Variants in IRX1 observed in about 807,000 individuals in gnomAD.
IRX1 encodes iroquois-class homeodomain protein IRX-1.
A neutral mutation model predicts 34.1 loss-of-function variants in IRX1; 22 were observed. The observed-to-expected ratio is 0.64, with a 90% confidence interval of 0.46 to 0.92. The LOEUF (loss-of-function observed/expected upper bound fraction) is 0.92. Ranked by LOEUF, IRX1 falls within the 40% of genes least tolerant of loss-of-function variation. IRX1 has a pLI of 0.00. For missense variants in IRX1, 758 were observed against 680.0 expected (o/e 1.11, Z -1.28); for synonymous variants, 363 against 319.0 (o/e 1.14, Z -1.47).
At chr5:3,597,286 C>G (rs1186641566) in intron 1 of IRX1, among the ~76,000 whole-genome samples, 1 of 152,204 alleles carries the variant, frequency 6.6e-6, no homozygotes, top group Non-Finnish European at 1.5e-5. Context: ...TTTCCTTGGT[C>G]TGACTGCAAG....
In IRX1 at chr5:3,601,151, A is replaced by G; in HGVS notation, c.*111A>G. 9.8e-7 allele frequency: 1 copy of G among 1,017,430 alleles called. No homozygotes were observed. The allele number at this position is 1,017,430 out of a possible 1,614,324, so 63.0% of individuals were successfully genotyped here. A position where few individuals can be genotyped will look rare whatever the true frequency, so the allele number is the denominator to read the frequency against. ...CAGACTGGTGTAAAGGACAAATATG[A>G]CAACGACGTCAAGGACTCGCATCCG... On this transcript the variant is annotated 3_prime_UTR_variant, in exon 4 of 4. Coordinates refer to ENST00000302006, the MANE Select transcript of IRX1 (RefSeq NM_024337.4).
At chr5:3,596,951 A>C (rs1168717297) in intron 1 of IRX1, among the ~76,000 whole-genome samples, 1 of 152,168 alleles carries the variant, frequency 6.6e-6, no homozygotes, top group Non-Finnish European at 1.5e-5. Context: ...ATAGAGGTCC[A>C]AAGGGATGGA....
At position 3,599,693 on chromosome 5, in the gene IRX1, G is replaced by T. The variant is rs764489050; in HGVS notation, c.745G>T (p.Ala249Ser). The T allele has an allele frequency of 6.2e-6, 10 of 1,613,142 alleles. No homozygotes were observed. In the African/African-American group the frequency reaches 1.3e-4, roughly 22 times the overall value. The change falls in exon 2 of 4, where the codon GCC becomes TCC. Residue 249 changes from alanine (A) to serine (S), a missense_variant. Coordinates refer to ENST00000302006, the MANE Select transcript of IRX1 (RefSeq NM_024337.4). This position sits in a 1 kb window ranked among gnomAD's most constrained non-coding sequence, Gnocchi z 6.6. ...GAGCAACGAGGATGACGAGGACAAG[G>T]CCGAGGCTCCGCACGCGCCCGCAGC... Reference protein sequence around the residue: ...DQSNEDDEDKAEAPHAPAAPS... With the variant: ...DQSNEDDEDKSEAPHAPAAPS...
At position 3,599,212 on chromosome 5, in the gene IRX1, C is replaced by T. The variant is rs1202343375; in HGVS notation, c.277-13C>T. ...TCCTCTCTCTCCTCGATGGATCTGCCCTGTGGCTTCAGGGCTCGCAGTATG... is the reference window on the plus strand; with the variant it reads ...TCCTCTCTCTCCTCGATGGATCTGCTCTGTGGCTTCAGGGCTCGCAGTATG... On this transcript the variant is annotated splice_polypyrimidine_tract_variant and intron_variant, in intron 1 of 3. Transcript: ENST00000302006. This position sits in a 1 kb window ranked among gnomAD's most constrained non-coding sequence, Gnocchi z 6.6. The T allele has an allele frequency of 5.0e-6, 8 of 1,609,008 alleles. No homozygotes were observed. Among genetic ancestry groups the T allele is most frequent in the South Asian group, 1.1e-5 (1 of 90,708 alleles).
In IRX1 at chr5:3,596,398, T is replaced by C. The variant is rs568438349; in HGVS notation, c.276+17T>C. 7.4e-6 allele frequency: 11 copies of C among 1,491,632 alleles called. No individual in the cohort carries two copies. Among genetic ancestry groups the C allele is most frequent in the Non-Finnish European group, 9.8e-6 (11 of 1,120,870 alleles). The allele number at this position is 1,491,632 out of a possible 1,614,324, so 92.4% of individuals were successfully genotyped here. A position where few individuals can be genotyped will look rare whatever the true frequency, so the allele number is the denominator to read the frequency against. On this transcript the variant is annotated intron_variant, in intron 1 of 3. Coordinates refer to ENST00000302006, the MANE Select transcript of IRX1 (RefSeq NM_024337.4). ...TCGCAGATGGTGAGTGCGCCCGGCC[T>C]CCCCCGCTTCTCCTCTGTCTCACCC...
In IRX1 at chr5:3,600,200, A is replaced by G. The variant is rs766751593; in HGVS notation, c.1252A>G (p.Ile418Val). ...TCCACCACCGCAGCCGCCGGTCGCT[A>G]TTGCCCCGGGGGCACTCAATGGAGA... Reference protein sequence around the residue: ...APPPPQPPVAIAPGALNGDKA... With the variant: ...APPPPQPPVAVAPGALNGDKA... Residue 418 changes from isoleucine (I) to valine (V), a missense_variant, in exon 2 of 4, where the codon ATT (isoleucine) becomes GTT (valine). Around this residue, in one of 3 missense-constraint regions of IRX1, gnomAD observed 529 missense variants for 418.8 expected, o/e 1.26. Coordinates refer to ENST00000302006, the MANE Select transcript of IRX1 (RefSeq NM_024337.4). 1.2e-5 allele frequency: 20 copies of G among 1,611,542 alleles called. No individual in the cohort carries two copies. In the Admixed American group the frequency reaches 2.8e-4, roughly 23 times the overall value.
intron 1 of IRX1, among the ~76,000 whole-genome samples, chr5:3,596,843 G>T (rs1034133974): frequency 6.6e-6 from 1 of 152,152 alleles, no homozygotes; most frequent in Non-Finnish European, 1.5e-5. Context: ...TGGAAAACTT[G>T]GTTTTCTCCC....
Position 3,600,242 on chromosome 5 carries a change from A to T in IRX1, c.1294A>T (p.Ser432Cys). Residue 432 changes from serine (S) to cysteine (C), a missense_variant, in exon 2 of 4, where the codon AGC (serine) becomes TGC (cysteine). Ser to Cys is a moderately radical substitution (Grantham distance 112, BLOSUM62 -1). Around this residue, in one of 3 missense-constraint regions of IRX1, gnomAD observed 529 missense variants for 418.8 expected, o/e 1.26. Coordinates refer to ENST00000302006, the MANE Select transcript of IRX1 (RefSeq NM_024337.4). ...CAATGGAGACAAGGCCTCGGTCCGC[A>T]GCAGCCCCACGCTCCCAGGTACAGC... ...ALNGDKASVRSSPTLPERDLV... is the reference protein window; with the variant it reads ...ALNGDKASVRCSPTLPERDLV... 6.3e-7 allele frequency: 1 copy of T among 1,598,718 alleles called. No individual in the cohort carries two copies. Among genetic ancestry groups the T allele is most frequent in the Non-Finnish European group, 8.5e-7 (1 of 1,175,064 alleles).
chr5:3,596,051 T>C lies in IRX1; in HGVS notation c.-55T>C. The C allele has an allele frequency of 9.8e-7, 1 of 1,018,884 alleles. No individual in the cohort carries two copies. Among genetic ancestry groups the C allele is most frequent in the East Asian group, 8.3e-5 (1 of 12,100 alleles). The allele number at this position is 1,018,884 out of a possible 1,614,324, so 63.1% of individuals were successfully genotyped here. A position where few individuals can be genotyped will look rare whatever the true frequency, so the allele number is the denominator to read the frequency against. On this transcript the variant is annotated 5_prime_UTR_variant, in exon 1 of 4. Transcript: ENST00000302006. ...CAACCCCCTCCGGCCGGCCTCCGCC[T>C]CCCTCCCCGCGCCTTTAATACTCGC...
Position 3,595,843 on chromosome 5 carries a change from C to A in IRX1, c.-263C>A, listed in dbSNP as rs945972439. On this transcript the variant is annotated 5_prime_UTR_variant, in exon 1 of 4. Coordinates refer to ENST00000302006, the MANE Select transcript of IRX1 (RefSeq NM_024337.4). ...ATCAACTTCAAATTGTGTCTGAAAG[C>A]CCCGCCGCCGAGCGGAGGGCGGCCG... is the stretch of plus-strand genomic sequence containing the variant. Among the ~76,000 whole-genome samples, 54 of 151,282 alleles carry A rather than the reference C, an allele frequency of 3.6e-4. No homozygotes were observed. The highest frequency in any genetic ancestry group is 6.5e-4 in the Non-Finnish European group (44 of 67,626).
intron 1 of IRX1, among the ~76,000 whole-genome samples, chr5:3,597,831 CT>C (rs1319967659): frequency 1.3e-5 from 2 of 152,184 alleles, no homozygotes; most frequent in African/African-American, 4.8e-5. Context: ...CCGGAACTCC[CT>C]TTGCTAACAT....
At position 3,600,280 on chromosome 5, in the gene IRX1, C is replaced by T; in HGVS notation, c.1312+20C>T. On this transcript the variant is annotated intron_variant, in intron 2 of 3. Transcript: ENST00000302006. Reference sequence around the variant, plus strand: ...TCCCAGGTACAGCTCCAGGCCGCGTCCACCTGTCCCCTAGCTGGGAATGCA... The same window carrying T: ...TCCCAGGTACAGCTCCAGGCCGCGTTCACCTGTCCCCTAGCTGGGAATGCA... The T allele has an allele frequency of 1.3e-6, 2 of 1,539,994 alleles. No homozygotes were observed. The highest frequency in any genetic ancestry group is 1.7e-6 in the Non-Finnish European group (2 of 1,146,812).
intron 1 of IRX1, 44 bp downstream of exon 1, chr5:3,596,425 C>T (rs1210363589): frequency 1.4e-6 from 2 of 1,426,448 alleles, no homozygotes; most frequent in Non-Finnish European, 1.8e-6. Context: ...GTCTCACCCG[C>T]GCCAGGGCAA....
chr5:3,596,070 T>C lies in IRX1; in HGVS notation c.-36T>C. 2 of 1,033,422 alleles carry C rather than the reference T, an allele frequency of 1.9e-6. No individual in the cohort carries two copies. The highest frequency in any genetic ancestry group is 2.3e-6 in the Non-Finnish European group (2 of 861,142). 64.0% of individuals were successfully genotyped at this position (1,033,422 alleles called of 1,614,324 possible). A position where few individuals can be genotyped will look rare whatever the true frequency, so the allele number is the denominator to read the frequency against. On this transcript the variant is annotated 5_prime_UTR_variant, in exon 1 of 4. Coordinates refer to ENST00000302006, the MANE Select transcript of IRX1 (RefSeq NM_024337.4). Reference sequence around the variant, plus strand: ...TCCGCCTCCCTCCCCGCGCCTTTAATACTCGCCCGCTGCGGCGGTCGCCGA... The same window carrying C: ...TCCGCCTCCCTCCCCGCGCCTTTAACACTCGCCCGCTGCGGCGGTCGCCGA...
intron 1 of IRX1, among the ~76,000 whole-genome samples, chr5:3,598,222 A>C (rs1733842061): frequency 6.6e-6 from 1 of 152,246 alleles, no homozygotes; most frequent in African/African-American, 2.4e-5. Context: ...TATGGTAATA[A>C]TGAGGCCTAA....
In IRX1 at chr5:3,597,115, C is replaced by A. The variant is rs550057015; in HGVS notation, c.276+734C>A. On this transcript the variant is annotated intron_variant, in intron 1 of 3. Coordinates refer to ENST00000302006, the MANE Select transcript of IRX1 (RefSeq NM_024337.4). ...AGAAAGAAAAGCACTTTTCTTCCTG[C>A]GTTACATAATGGAGGATTAAAGAAA... 9.1e-4 allele frequency among the ~76,000 whole-genome samples: 138 copies of A among 152,318 alleles called. 2 individuals are homozygous for A. The highest frequency in any genetic ancestry group is 3.3e-3 in the African/African-American group (137 of 41,564).
chr5:3,600,638 C>T lies in IRX1; in HGVS notation c.1342C>T (p.Pro448Ser). 1 of 1,613,818 alleles carries T rather than the reference C, an allele frequency of 6.2e-7. No homozygotes were observed. Among genetic ancestry groups the T allele is most frequent in the Non-Finnish European group, 8.5e-7 (1 of 1,179,994 alleles). Reference protein sequence around the residue: ...ERDLVPRPDSPAQQLKSPFQP... With the variant: ...ERDLVPRPDSSAQQLKSPFQP... ...AGACCTCGTCCCCAGGCCAGATTCGCCGGCACAGCAGTTAAAGTCGCCCTT... is the reference window on the plus strand; with the variant it reads ...AGACCTCGTCCCCAGGCCAGATTCGTCGGCACAGCAGTTAAAGTCGCCCTT... The change falls in exon 3 of 4, where the codon CCG (proline) becomes TCG (serine). Residue 448 changes from proline to serine, a missense_variant. Physicochemically the swap from Pro to Ser is moderately conservative, Grantham distance 74 (BLOSUM62 -1). Transcript: ENST00000302006.
At position 3,596,013 on chromosome 5, in the gene IRX1, G is replaced by C. The variant is rs1743680006; in HGVS notation, c.-93G>C. The C allele has an allele frequency of 1.2e-6, 1 of 819,442 alleles. No individual in the cohort carries two copies. Among genetic ancestry groups the C allele is most frequent in the South Asian group, 5.5e-5 (1 of 18,166 alleles). 50.8% of individuals were successfully genotyped at this position (819,442 alleles called of 1,614,324 possible). A position where few individuals can be genotyped will look rare whatever the true frequency, so the allele number is the denominator to read the frequency against. On this transcript the variant is annotated 5_prime_UTR_variant, in exon 1 of 4. Transcript: ENST00000302006. ...CCGCCCGCTCCTCCCTAGACCCCTC[G>C]CGGCGCCCCCTGCAACCCCCTCCGG...
rs1409205236 is a variant in IRX1, at chr5:3,595,937, G to A, written c.-169G>A. 3 of 236,686 alleles carry A rather than the reference G, an allele frequency of 1.3e-5. No individual in the cohort carries two copies. Among genetic ancestry groups the A allele is most frequent in the African/African-American group, 7.0e-5 (3 of 42,726 alleles). 14.7% of individuals were successfully genotyped at this position (236,686 alleles called of 1,614,324 possible). A position where few individuals can be genotyped will look rare whatever the true frequency, so the allele number is the denominator to read the frequency against. ...CGGGCGCCTGCGAGCACCGGGCAGA[G>A]GAGCCGCGACCGGCCTCCATCTCCC... On this transcript the variant is annotated 5_prime_UTR_variant, in exon 1 of 4. Transcript: ENST00000302006.
Sources: allele counts gnomAD v4.1 joint callset (sites outside exome capture counted in the v4.1 genomes callset), GRCh38; gene constraint gnomAD v4.1.1; regional missense constraint gnomAD v4.1.1; non-coding constraint Gnocchi (gnomAD v3.1); transcripts MANE v1.5; gene names NCBI Gene and HGNC (gene_info 2026-07-23, HGNC 2026-07-21).